The following MAP3K1 variants were observed in gnomAD, a reference collection of about 807,000 sequenced individuals.
MAP3K1 encodes MAP/ERK kinase kinase 1.
In MAP3K1, 36 loss-of-function variants were observed where a neutral mutation model predicts 144.2. That is an observed-to-expected ratio of 0.25 (90% CI 0.19 to 0.33). MAP3K1 has a LOEUF of 0.33. Among genes scored for constraint, MAP3K1 ranks in the 10% least tolerant of loss-of-function variants. The probability of loss-of-function intolerance (pLI) is 1.00; values close to 1 mark genes in which losing one functional copy is unlikely to be tolerated. For synonymous variants in MAP3K1, 718 were observed against 688.7 expected, an observed-to-expected ratio of 1.04 and a Z score of -0.67; for missense variants, 1,650 against 1,881.9, an observed-to-expected ratio of 0.88 and a Z score of 2.28.
chr5:56,866,447 A>G (rs892820213), intron 6 of MAP3K1, among the ~76,000 whole-genome samples: 1 of 152,046 alleles, frequency 6.6e-6, no homozygotes, highest in African/African-American at 2.4e-5. Flanking sequence ...GTATGTATGT[A>G]TGTATGTTAA....
intron 16 of MAP3K1, among the ~76,000 whole-genome samples, chr5:56,885,091 T>C (rs1748341018): frequency 6.6e-6 from 1 of 152,188 alleles, no homozygotes; most frequent in African/African-American, 2.4e-5. Flanking sequence ...ATACTTGATA[T>C]GTATAAGATA....
intron 1 of MAP3K1, among the ~76,000 whole-genome samples, chr5:56,830,614 T>G (rs1038038817): frequency 6.6e-6 from 1 of 152,190 alleles, no homozygotes; most frequent in Non-Finnish European, 1.5e-5. Flanking sequence ...TATTTAAAAA[T>G]AAATATTTTA....
intron 1 of MAP3K1, among the ~76,000 whole-genome samples, chr5:56,827,377 A>G (rs962476277): frequency 6.6e-6 from 1 of 152,230 alleles, no homozygotes; most frequent in African/African-American, 2.4e-5. Flanking sequence ...TTTACATCAG[A>G]GCTGGGACAA....
Position 56,881,814 on chromosome 5 carries a change from G to C in MAP3K1, c.2614G>C (p.Gly872Arg). ...EVEIAEAIQL[G>R]VEDTLDGQQD... is the part of the protein sequence containing the mutation. ...GGAAATTGCCGAAGCCATCCAGTTG[G>C]GCGTAGAAGACACTTTGGATGGTCA... is the stretch of plus-strand genomic sequence containing the variant. Residue 872 changes from glycine to arginine, a missense_variant, in exon 14 of 20, where the codon GGC becomes CGC. By Grantham distance (125) the Gly-to-Arg change is moderately radical (BLOSUM62 -2). Coordinates refer to ENST00000399503, the MANE Select transcript of MAP3K1 (RefSeq NM_005921.2). 1 of 1,614,100 alleles carries C rather than the reference G, an allele frequency of 6.2e-7. No homozygotes were observed. The highest frequency in any genetic ancestry group is 8.5e-7 in the Non-Finnish European group (1 of 1,180,010).
At chr5:56,829,347 A>AG in intron 1 of MAP3K1, among the ~76,000 whole-genome samples, 2 of 109,956 alleles carry the variant, frequency 1.8e-5, no homozygotes, top group South Asian at 5.4e-4. Context: ...TGTGCCCGGC[A>AG]AATTTTTTTT....
intron 6 of MAP3K1, among the ~76,000 whole-genome samples, chr5:56,866,981 G>A (rs1747693709): frequency 6.6e-6 from 1 of 151,944 alleles, no homozygotes; most frequent in Non-Finnish European, 1.5e-5. Flanking sequence ...CCAGAACCTG[G>A]GTATCTTTGT....
At chr5:56,820,709 C>T in intron 1 of MAP3K1, 1 of 985,262 alleles carries the variant, frequency 1.0e-6, no homozygotes, top group Non-Finnish European at 1.2e-6. Context: ...GACCCTACCC[C>T]TTTGTTATTG....
At chr5:56,828,311 T>A (rs1746381614) in intron 1 of MAP3K1, among the ~76,000 whole-genome samples, 1 of 152,212 alleles carries the variant, frequency 6.6e-6, no homozygotes, top group Admixed American at 6.5e-5. Flanking sequence ...GCAGGTTTCT[T>A]GGTCTTCTTT....
rs147076380 is a variant in MAP3K1, at chr5:56,853,524, G to T, written c.483-3076G>T. Among the ~76,000 whole-genome samples, 337 of 152,282 alleles carry T rather than the reference G, an allele frequency of 2.2e-3. 1 individual carries two copies. The highest frequency in any genetic ancestry group is 7.9e-3 in the African/African-American group (327 of 41,550). The stretch of plus-strand genomic sequence containing the variant: ...AGCCAGACATGCTTAGATGTTAGGT[G>T]TATAGATGGCGATAACACGTGGTCC... On this transcript the variant is annotated intron_variant, in intron 1 of 19. Transcript: ENST00000399503.
rs994052482 is a variant in MAP3K1, at chr5:56,895,369, T to G, written c.*1689T>G. 1 of 189,988 alleles carries G rather than the reference T, an allele frequency of 5.3e-6. No individual in the cohort carries two copies. The highest frequency in any genetic ancestry group is 1.1e-4 in the East Asian group (1 of 9,350). The allele number at this position is 189,988 out of a possible 1,614,324, so 11.8% of individuals were successfully genotyped here. On this transcript the variant is annotated 3_prime_UTR_variant, in exon 20 of 20. Coordinates refer to ENST00000399503, the MANE Select transcript of MAP3K1 (RefSeq NM_005921.2). ...ACTTGACTTTCTTTTTTATTTTGTT[T>G]TTTTTTTTTTTTGACTACTTAGAAT...
Position 56,815,593 on chromosome 5 carries a change from A to G in MAP3K1, c.20A>G (p.Asn7Ser), listed in dbSNP as rs776502274. The G allele has an allele frequency of 2.3e-6, 3 of 1,294,138 alleles. No homozygotes were observed. Among genetic ancestry groups the G allele is most frequent in the Middle Eastern group, 2.9e-4 (1 of 3,398 alleles). The allele number at this position is 1,294,138 out of a possible 1,614,324, so 80.2% of individuals were successfully genotyped here. The change falls in exon 1 of 20, where the codon AAT becomes AGT. Residue 7 changes from asparagine (N) to serine (S), a missense_variant. Asn to Ser is a conservative substitution (Grantham distance 46). Around this residue, in one of 6 missense-constraint regions of MAP3K1, gnomAD observed 360 missense variants for 274.7 expected, o/e 1.31. Transcript: ENST00000399503. ...GAGAAAATGGCGGCGGCGGCGGGGA[A>G]TCGCGCCTCGTCGTCGGGATTCCCG... MAAAAG[N>S]RASSSGFPGA... is the part of the protein sequence containing the mutation.
At chr5:56,878,176 C>G (rs894089467) in intron 10 of MAP3K1, among the ~76,000 whole-genome samples, 1 of 152,102 alleles carries the variant, frequency 6.6e-6, no homozygotes, top group Non-Finnish European at 1.5e-5. Flanking sequence ...CCTATTTCAC[C>G]TCAAAATTTT....
intron 4 of MAP3K1, 77 bp from the exon 5 acceptor site, chr5:56,865,263 T>C (rs1305520783): frequency 1.1e-5 from 10 of 881,370 alleles, no homozygotes; most frequent in Admixed American, 4.0e-5. Context: ...GTTGGAAATA[T>C]TGTAAAAGTG....
intron 11 of MAP3K1, among the ~76,000 whole-genome samples, chr5:56,879,741 A>G (rs1399736634): frequency 6.6e-6 from 1 of 152,198 alleles, no homozygotes; most frequent in Non-Finnish European, 1.5e-5. Context: ...TTCCCCTTCC[A>G]TAAAATAGGA....
chr5:56,853,682 A>T (rs1747246769), intron 1 of MAP3K1, among the ~76,000 whole-genome samples: 1 of 152,216 alleles, frequency 6.6e-6, no homozygotes. Flanking sequence ...AAAGTCTCTG[A>T]GGAGTTGAGG....
chr5:56,868,325 T>A (rs1747739730), intron 6 of MAP3K1, among the ~76,000 whole-genome samples: 1 of 151,946 alleles, frequency 6.6e-6, no homozygotes, highest in Non-Finnish European at 1.5e-5. Context: ...AAAACTATGC[T>A]AAAAAAAATC....
chr5:56,845,496 T>C (rs1437522484), intron 1 of MAP3K1, among the ~76,000 whole-genome samples: 1 of 152,218 alleles, frequency 6.6e-6, no homozygotes, highest in Non-Finnish European at 1.5e-5. Flanking sequence ...ACAGTAGTAG[T>C]GTAGGAAGTT....
chr5:56,895,132 A>G lies in MAP3K1; in HGVS notation c.*1452A>G, dbSNP rs1022748506. ...ACTAAATAAGCTATATATAGAGTACATTTAAAATGTACAACACAAATTGGA... is the reference window on the plus strand; with the variant it reads ...ACTAAATAAGCTATATATAGAGTACGTTTAAAATGTACAACACAAATTGGA... On this transcript the variant is annotated 3_prime_UTR_variant, in exon 20 of 20. Transcript: ENST00000399503. 8.6e-6 allele frequency: 2 copies of G among 231,452 alleles called. No homozygotes were observed. Among genetic ancestry groups the G allele is most frequent in the African/African-American group, 2.2e-5 (1 of 45,302 alleles). The allele number at this position is 231,452 out of a possible 1,614,324, so 14.3% of individuals were successfully genotyped here.
chr5:56,827,492 A>G (rs1360515083), intron 1 of MAP3K1, among the ~76,000 whole-genome samples: 1 of 152,196 alleles, frequency 6.6e-6, no homozygotes, highest in Non-Finnish European at 1.5e-5. Flanking sequence ...GGCAAAATGA[A>G]TTCCATCCAC....
Sources: gnomAD v4.1 joint callset for allele counts (sites outside exome capture counted in the v4.1 genomes callset) on GRCh38, gnomAD v4.1.1 for gene constraint, gnomAD v4.1.1 regional missense constraint, MANE v1.5 for transcripts, NCBI Gene and HGNC (gene_info 2026-07-23, HGNC 2026-07-21) for gene names.